TEKT5: variants seen among roughly 807,000 people sequenced by gnomAD.
The protein encoded by TEKT5 is tektin-5.
A neutral mutation model predicts 48.7 loss-of-function variants in TEKT5; 52 were observed. That is an observed-to-expected ratio of 1.07 (90% confidence interval 0.86 to 1.35). The LOEUF (loss-of-function observed/expected upper bound fraction) is 1.35, where lower values mean the gene tolerates loss of function less well. TEKT5 is among the 40% of genes most tolerant of loss of function. TEKT5 has a pLI of 0.00. For missense variants in TEKT5, 831 were observed against 641.6 expected, an observed-to-expected ratio of 1.30 and a Z score of -3.19; for synonymous variants, 318 against 267.6, an observed-to-expected ratio of 1.19 and a Z score of -1.84.
At chr16:10,666,690 G>A (rs1406282829) in intron 5 of TEKT5, among the ~76,000 whole-genome samples, 1 of 152,240 alleles carries the variant, frequency 6.6e-6, no homozygotes, top group Non-Finnish European at 1.5e-5. Context: ...GTCTGCATGG[G>A]TGGATCACCT....
Position 10,694,531 on chromosome 16 carries a change from G to A in TEKT5, c.343C>T (p.Leu115=). ...AAGAGCCTCATGGAGTCATCCGTCA[G>A]CCGGCTGGCCCACAGCCGGGAGGCC... ...AEASRLWASR[L]TDDSMRLLQD... The change falls in exon 1 of 7, where the codon CTG becomes TTG. Residue 115 remains leucine, a synonymous_variant. Coordinates refer to ENST00000283025, the MANE Select transcript of TEKT5 (RefSeq NM_144674.2). 6.2e-7 allele frequency: 1 copy of A among 1,607,980 alleles called. No homozygotes were observed. Among genetic ancestry groups the A allele is most frequent in the East Asian group, 2.2e-5 (1 of 44,846 alleles).
intron 5 of TEKT5, among the ~76,000 whole-genome samples, chr16:10,657,985 A>G (rs1596408394): frequency 6.6e-6 from 1 of 152,134 alleles, no homozygotes; most frequent in Non-Finnish European, 1.5e-5. Flanking sequence ...GGTTTTCAGT[A>G]TAGTTACAGT....
intron 5 of TEKT5, among the ~76,000 whole-genome samples, chr16:10,673,318 A>G (rs1345847543): frequency 6.6e-6 from 1 of 152,146 alleles, no homozygotes; most frequent in Non-Finnish European, 1.5e-5. Context: ...GTTTTATTGG[A>G]ACACAGCCAC....
At chr16:10,636,300 G>C (rs1027352641) in intron 5 of TEKT5, among the ~76,000 whole-genome samples, 1 of 152,008 alleles carries the variant, frequency 6.6e-6, no homozygotes, top group Admixed American at 6.6e-5. Context: ...GCTTGAACCC[G>C]GGAGGCGGAG....
intron 5 of TEKT5, among the ~76,000 whole-genome samples, chr16:10,650,950 T>A (rs933053447): frequency 6.6e-6 from 1 of 150,676 alleles, no homozygotes; most frequent in East Asian, 2.0e-4. Flanking sequence ...CTAGAAACAC[T>A]GGGGCACCAT....
At chr16:10,648,087 T>C (rs7186996) in intron 5 of TEKT5, among the ~76,000 whole-genome samples, 21,357 of 152,230 alleles carry the variant, frequency 0.14, 1,654 homozygotes, top group East Asian at 0.27. Flanking sequence ...TAAATGCCTT[T>C]GATGTACAGC....
chr16:10,688,484 G>A (rs1339737241), intron 3 of TEKT5, among the ~76,000 whole-genome samples: 2 of 152,220 alleles, frequency 1.3e-5, no homozygotes, highest in Non-Finnish European at 2.9e-5. Flanking sequence ...GGCAGCGGGA[G>A]GGACAGCCAT....
intron 5 of TEKT5, among the ~76,000 whole-genome samples, chr16:10,669,917 G>A (rs1002121575): frequency 6.6e-6 from 1 of 152,150 alleles, no homozygotes; most frequent in African/African-American, 2.4e-5. Context: ...TGCTAGCAGT[G>A]GTCAGTATGA....
chr16:10,658,456 A>G (rs1386408350), intron 5 of TEKT5, among the ~76,000 whole-genome samples: 3 of 152,234 alleles, frequency 2.0e-5, no homozygotes, highest in Admixed American at 6.5e-5. Context: ...GATGAACCTC[A>G]CCAATACTAT....
At chr16:10,666,368 G>C (rs1359405830) in intron 5 of TEKT5, among the ~76,000 whole-genome samples, 4 of 152,070 alleles carry the variant, frequency 2.6e-5, no homozygotes, top group Non-Finnish European at 5.9e-5. Context: ...TTTAAAACAA[G>C]GTTTCTCAGC....
intron 5 of TEKT5, among the ~76,000 whole-genome samples, chr16:10,646,835 C>G (rs1056901277): frequency 6.6e-6 from 1 of 152,154 alleles, no homozygotes; most frequent in Non-Finnish European, 1.5e-5. Context: ...TCAGCCCACA[C>G]GCTGGTTAAA....
chr16:10,663,168 G>A (rs575443762), intron 5 of TEKT5, among the ~76,000 whole-genome samples: 1 of 152,280 alleles, frequency 6.6e-6, no homozygotes. Flanking sequence ...ACCAACCTCG[G>A]CTCAGTGGAA....
chr16:10,679,564 C>T (rs1427485732), intron 4 of TEKT5, among the ~76,000 whole-genome samples: 3 of 151,922 alleles, frequency 2.0e-5, no homozygotes, highest in African/African-American at 4.8e-5. Flanking sequence ...AGTCACCAAA[C>T]GTCCTGTTTC....
intron 5 of TEKT5, among the ~76,000 whole-genome samples, chr16:10,667,312 C>G (rs919458538): frequency 6.6e-6 from 1 of 152,132 alleles, no homozygotes; most frequent in African/African-American, 2.4e-5. Context: ...AAAGATCTCT[C>G]CCCTACACAG....
intron 3 of TEKT5, among the ~76,000 whole-genome samples, chr16:10,682,814 G>C (rs901756889): frequency 6.6e-6 from 1 of 152,144 alleles, no homozygotes; most frequent in African/African-American, 2.4e-5. Flanking sequence ...AACAGATGGC[G>C]GGCCAGATTT....
At position 10,636,975 on chromosome 16, in the gene TEKT5, C is replaced by A. The variant is rs534714554; in HGVS notation, c.1087-1057G>T. Among the ~76,000 whole-genome samples, 157 of 143,660 alleles carry A rather than the reference C, an allele frequency of 1.1e-3. 2 individuals carry two copies. The highest frequency in any genetic ancestry group is 8.5e-3 in the South Asian group (38 of 4,458). The allele number at this position is 143,660 out of a possible 152,430, so 94.2% of individuals were successfully genotyped here. A position where few individuals can be genotyped will look rare whatever the true frequency, so the allele number is the denominator to read the frequency against. On this transcript the variant is annotated intron_variant, in intron 5 of 6. Transcript: ENST00000283025. ...GGGATTACAGGCACCTGCTGCCTCACCTGGCTGATTTTTTTTTTTTTTTTT... is the reference window on the plus strand; with the variant it reads ...GGGATTACAGGCACCTGCTGCCTCAACTGGCTGATTTTTTTTTTTTTTTTT...
intron 5 of TEKT5, among the ~76,000 whole-genome samples, chr16:10,657,734 C>T (rs1483877911): frequency 1.6e-4 from 24 of 151,442 alleles, no homozygotes; most frequent in Admixed American, 6.6e-4. Context: ...GGACTACAGG[C>T]GCCCACCACT....
chr16:10,654,533 A>C (rs576941426), intron 5 of TEKT5, among the ~76,000 whole-genome samples: 5 of 152,328 alleles, frequency 3.3e-5, no homozygotes, highest in Admixed American at 1.3e-4. Flanking sequence ...GGCAGGCATC[A>C]CCCAACCCAC....
At chr16:10,664,687 C>A (rs1337197600) in intron 5 of TEKT5, among the ~76,000 whole-genome samples, 2 of 152,210 alleles carry the variant, frequency 1.3e-5, no homozygotes, top group African/African-American at 4.8e-5. Context: ...TTGTTCCTCA[C>A]AGCTGGTAGG....
Sources: gnomAD v4.1 joint callset for allele counts (sites outside exome capture counted in the v4.1 genomes callset) on GRCh38, gnomAD v4.1.1 for gene constraint, MANE v1.5 for transcripts, NCBI Gene and HGNC (gene_info 2026-07-23, HGNC 2026-07-21) for gene names.